GC: variants seen among roughly 807,000 people sequenced by gnomAD.
GC encodes vitamin D-binding protein.
GC carries 43 observed loss-of-function variants against 56.7 expected under a neutral mutation model. That is an observed-to-expected ratio of 0.76 (90% CI 0.59 to 0.98). GC has a LOEUF of 0.98. Ranked by LOEUF, GC falls within the 50% of genes least tolerant of loss-of-function variation. GC has a pLI of 0.00. For missense variants in GC, 529 were observed against 545.9 expected, an observed-to-expected ratio of 0.97 and a Z score of 0.31; for synonymous variants, 216 against 202.7, an observed-to-expected ratio of 1.07 and a Z score of -0.56.
At chr4:71,786,784 G>T (rs1305086966), upstream of GC, among the ~76,000 whole-genome samples, 1 of 151,784 alleles carries the variant, frequency 6.6e-6, no homozygotes, top group African/African-American at 2.4e-5. Flanking sequence ...TTCCTTTAAT[G>T]CTGCGACAGT....
In GC at chr4:71,765,572, G is replaced by C; in HGVS notation, c.333C>G (p.Cys111Trp). 6.2e-7 allele frequency: 1 copy of C among 1,613,506 alleles called. No homozygotes were observed. Among genetic ancestry groups the C allele is most frequent in the South Asian group, 1.1e-5 (1 of 91,060 alleles). Residue 111 changes from cysteine to tryptophan, a missense_variant, in exon 4 of 13, where the codon TGC becomes TGG. By Grantham distance (215) the Cys-to-Trp change is radical. Coordinates refer to ENST00000273951, the MANE Select transcript of GC (RefSeq NM_000583.4). ...TTCGTTCCAGGCCCTCTTTGGTGCA[G>C]CACTCAGCAGTGCCTGGGTGAACGG... ...PFPVHPGTAE[C>W]CTKEGLERKL...
chr4:71,760,322 G>T (rs1741927016), intron 6 of GC, among the ~76,000 whole-genome samples: 1 of 151,944 alleles, frequency 6.6e-6, no homozygotes. Context: ...AAAGTGCTGG[G>T]ATTACAGGTG....
At chr4:71,746,380 A>G (rs1008535710) in intron 11 of GC, among the ~76,000 whole-genome samples, 175 bp from the exon 12 acceptor site, 1 of 151,400 alleles carries the variant, frequency 6.6e-6, no homozygotes, top group Non-Finnish European at 1.5e-5. Context: ...ATTTAGCTTT[A>G]CATCATCTCT....
rs560726440 is a variant in GC at position 71,750,120 on chromosome 4, TA to T, written c.1395+2397del. On this transcript the variant is annotated intron_variant, in intron 11 of 12. Transcript: ENST00000273951. ...ATTTGGAATGCATAGCCCAAGACTT[TA>T]AAAAAATACTTTACACAGCTTAATT... is the stretch of plus-strand genomic sequence containing the variant. Among the ~76,000 whole-genome samples, 11 of 152,280 alleles carry T rather than the reference TA, an allele frequency of 7.2e-5. No homozygotes were observed. The South Asian group carries it at 2.3e-3, about 32-fold the overall frequency.
intron 10 of GC, among the ~76,000 whole-genome samples, chr4:71,753,806 C>T (rs966804621): frequency 3.3e-5 from 5 of 152,106 alleles, no homozygotes; most frequent in African/African-American, 4.8e-5. Flanking sequence ...GGCAATATGC[C>T]ATGAAGTTAG....
chr4:71,759,270 T>A (rs1298072873), intron 6 of GC, among the ~76,000 whole-genome samples: 11 of 152,172 alleles, frequency 7.2e-5, no homozygotes, highest in African/African-American at 2.7e-4. Flanking sequence ...CTCTTTGAGA[T>A]CCCACTTTGA....
intron 1 of GC, among the ~76,000 whole-genome samples, chr4:71,795,733 T>C (rs1305972913): frequency 2.6e-5 from 4 of 152,230 alleles, no homozygotes; most frequent in Non-Finnish European, 5.9e-5. Context: ...TGTTAATTGA[T>C]ACAGTTTCTT....
intron 6 of GC, among the ~76,000 whole-genome samples, chr4:71,762,026 C>T (rs572962558): frequency 2.5e-4 from 38 of 152,270 alleles, no homozygotes; most frequent in African/African-American, 6.3e-4. Flanking sequence ...AGAGGGCCAC[C>T]GTTCTCCAGA....
chr4:71,773,178 T>C (rs1742394782), intron 1 of GC, among the ~76,000 whole-genome samples: 1 of 152,082 alleles, frequency 6.6e-6, no homozygotes, highest in African/African-American at 2.4e-5. Flanking sequence ...CTAGTAAATA[T>C]TGGCATAATC....
intron 1 of GC, among the ~76,000 whole-genome samples, chr4:71,775,495 A>G (rs1742476913): frequency 6.6e-6 from 1 of 152,014 alleles, no homozygotes; most frequent in Admixed American, 6.6e-5. Context: ...TTGAGAAAAT[A>G]TCAACTCAAA....
At chr4:71,796,317 G>A (rs1444744627) in intron 1 of GC, among the ~76,000 whole-genome samples, 1 of 152,072 alleles carries the variant, frequency 6.6e-6, no homozygotes, top group Admixed American at 6.5e-5. Flanking sequence ...TGTAGATTTG[G>A]TCTTTTCACA....
intron 1 of GC, among the ~76,000 whole-genome samples, chr4:71,795,857 A>T (rs111442905): frequency 6.6e-6 from 1 of 152,160 alleles, no homozygotes; most frequent in Non-Finnish European, 1.5e-5. Flanking sequence ...GTCTGGTGGT[A>T]ACAAAATCTG....
At chr4:71,773,481 G>A (rs1333831575) in intron 1 of GC, among the ~76,000 whole-genome samples, 1 of 151,964 alleles carries the variant, frequency 6.6e-6, no homozygotes, top group African/African-American at 2.4e-5. Flanking sequence ...CAGGCATTGG[G>A]TTCAATATTG....
At chr4:71,781,347 G>A (rs947512473) in intron 1 of GC, among the ~76,000 whole-genome samples, 1 of 151,466 alleles carries the variant, frequency 6.6e-6, no homozygotes, top group Non-Finnish European at 1.5e-5. Flanking sequence ...TATCAAACCT[G>A]CACATTGTGC....
chr4:71,755,197 C>T, intron 8 of GC, 90 bp from the exon 9 acceptor site: 1 of 434,364 alleles, frequency 2.3e-6, no homozygotes, highest in Non-Finnish European at 3.4e-6. Context: ...GAGTCTCCCT[C>T]TGTCACCCAG....
intron 1 of GC, among the ~76,000 whole-genome samples, chr4:71,789,655 C>T (rs900842312): frequency 6.6e-6 from 1 of 151,922 alleles, no homozygotes; most frequent in African/African-American, 2.4e-5. Context: ...GTTGCCCACA[C>T]CCTAATCCCT....
At chr4:71,780,475 A>G in intron 1 of GC, among the ~76,000 whole-genome samples, 1 of 152,104 alleles carries the variant, frequency 6.6e-6, no homozygotes, top group East Asian at 1.9e-4. Flanking sequence ...ACTTTTTGCA[A>G]TGTACCCATC....
At chr4:71,779,610 A>G (rs1265330602) in intron 1 of GC, among the ~76,000 whole-genome samples, 1 of 151,904 alleles carries the variant, frequency 6.6e-6, no homozygotes, top group African/African-American at 2.4e-5. Flanking sequence ...TTAGGTGACC[A>G]AAAATACTGG....
chr4:71,779,180 C>A (rs1316683361), intron 1 of GC, among the ~76,000 whole-genome samples: 1 of 151,754 alleles, frequency 6.6e-6, no homozygotes, highest in Non-Finnish European at 1.5e-5. Flanking sequence ...AAGTAATGTT[C>A]TATTACTGGG....
Sources: allele counts gnomAD v4.1 joint callset (sites outside exome capture counted in the v4.1 genomes callset), GRCh38; gene constraint gnomAD v4.1.1; transcripts MANE v1.5; gene names NCBI Gene and HGNC (gene_info 2026-07-23, HGNC 2026-07-21).